UBN2: variants seen among roughly 807,000 people sequenced by gnomAD.
The protein encoded by UBN2 is ubinuclein 2.
UBN2 carries 35 observed loss-of-function variants against 120.2 expected under a neutral mutation model. The observed-to-expected ratio is 0.29, with a 90% CI of 0.22 to 0.39. UBN2 has a LOEUF of 0.39. UBN2 is among the 10% of genes least tolerant of loss of function. The pLI, the probability that UBN2 is intolerant of heterozygous loss-of-function variation, is 1.00. For synonymous variants in UBN2, 661 were observed against 648.7 expected, an observed-to-expected ratio of 1.02 and a Z score of -0.29; for missense variants, 1,693 against 1,663.2, an observed-to-expected ratio of 1.02 and a Z score of -0.31.
chr7:139,306,526 C>CAT lies in UBN2; in HGVS notation c.*8694_*8695dup, dbSNP rs916176778. On this transcript the variant is annotated 3_prime_UTR_variant, in exon 18 of 18. Coordinates refer to ENST00000473989, the MANE Select transcript of UBN2 (RefSeq NM_173569.4). ...TTGGCTATGCCTTTGTAATTAGTTA[C>CAT]ATATACCTTCTGAGACCTTCAGATA... 1 of 152,230 alleles carries CAT rather than the reference C, an allele frequency of 6.6e-6. No homozygotes were observed. The highest frequency in any genetic ancestry group is 6.5e-5 in the Admixed American group (1 of 15,286). The allele number at this position is 152,230 out of a possible 1,614,324, so 9.4% of individuals were successfully genotyped here. A position where few individuals can be genotyped will look rare whatever the true frequency, so the allele number is the denominator to read the frequency against.
chr7:139,274,146 TACAC>T, intron 11 of UBN2, 72 bp downstream of exon 11: 6 of 1,404,316 alleles, frequency 4.3e-6, no homozygotes, highest in South Asian at 1.5e-5. Context: ...TACATACACA[TACAC>T]ATATGTGACA....
At chr7:139,326,282 A>G in the UBN2 span, among the ~76,000 whole-genome samples, 1 of 151,948 alleles carries the variant, frequency 6.6e-6, no homozygotes, top group African/African-American at 2.4e-5. Flanking sequence ...CAAACAAACA[A>G]ACAAACAAAA....
At position 139,283,836 on chromosome 7, in the gene UBN2, A is replaced by G; in HGVS notation, c.2931A>G (p.Pro977=). ...CACTTATTAAGACTTCAGATAAGCC[A>G]CTTATGTACCGCCTTCCCTTATCTA... ...SSSLIKTSDK[P]LMYRLPLSTP... is the part of the protein sequence containing the mutation. Residue 977 remains proline, a synonymous_variant, in exon 15 of 18, where the codon CCA becomes CCG. Transcript: ENST00000473989. 2 of 1,614,068 alleles carry G rather than the reference A, an allele frequency of 1.2e-6. No individual in the cohort carries two copies. Among genetic ancestry groups the G allele is most frequent in the African/African-American group, 1.3e-5 (1 of 75,006 alleles).
intron 8 of UBN2, 51 bp downstream of exon 8, chr7:139,269,574 G>C (rs765308282): frequency 6.3e-7 from 1 of 1,593,068 alleles, no homozygotes; most frequent in East Asian, 2.2e-5. Flanking sequence ...AACCTGTAAA[G>C]ATACTTGTTT....
intron 15 of UBN2, among the ~76,000 whole-genome samples, chr7:139,289,886 C>T (rs948330242): frequency 1.3e-5 from 2 of 151,516 alleles, no homozygotes; most frequent in African/African-American, 4.8e-5. Context: ...GAAGAAGCAA[C>T]TCTGGTTAAA....
chr7:139,266,474 A>G, intron 7 of UBN2, 71 bp downstream of exon 7: 1 of 855,300 alleles, frequency 1.2e-6, no homozygotes, highest in Non-Finnish European at 1.8e-6. Flanking sequence ...CCTTTGAGAT[A>G]CTGAGTGGTT....
intron 2 of UBN2, among the ~76,000 whole-genome samples, chr7:139,239,453 G>A (rs895852048): frequency 1.3e-5 from 2 of 151,106 alleles, no homozygotes; most frequent in South Asian, 4.2e-4. Context: ...GAGATTCCTA[G>A]AATCAGACGA....
the UBN2 span, among the ~76,000 whole-genome samples, chr7:139,319,186 G>A: frequency 6.6e-6 from 1 of 152,128 alleles, no homozygotes; most frequent in African/African-American, 2.4e-5. Context: ...GGGTTCAAGC[G>A]ATTTTCCTGC....
chr7:139,272,722 T>C (rs1797320511), intron 9 of UBN2, among the ~76,000 whole-genome samples: 1 of 152,130 alleles, frequency 6.6e-6, no homozygotes, highest in Non-Finnish European at 1.5e-5. Flanking sequence ...AGACAGGGTT[T>C]CACCATGTTG....
At chr7:139,321,243 G>A in the UBN2 span, among the ~76,000 whole-genome samples, 5 of 152,232 alleles carry the variant, frequency 3.3e-5, no homozygotes, top group Admixed American at 6.5e-5. Context: ...TGGCATCCAC[G>A]TCCTGGCCGT....
intron 2 of UBN2, among the ~76,000 whole-genome samples, chr7:139,241,319 A>C (rs1229272427): frequency 6.6e-6 from 1 of 152,216 alleles, no homozygotes; most frequent in East Asian, 1.9e-4. Context: ...CACCTAACAC[A>C]ATACCTTGTG....
intron 10 of UBN2, 94 bp from the exon 11 acceptor site, chr7:139,273,837 G>C (rs538876164): frequency 1.8e-6 from 2 of 1,100,294 alleles, no homozygotes; most frequent in South Asian, 3.7e-5. Context: ...GAAATTGTTT[G>C]TTATTTTCTG....
In UBN2 at chr7:139,284,372, G is replaced by C; in HGVS notation, c.3467G>C (p.Gly1156Ala). ...PSKLTNSSST[G>A]TVGKNSLSGI... The stretch of plus-strand genomic sequence containing the variant: ...AAGCTAACAAACTCATCATCCACTG[G>C]AACTGTTGGGAAGAACAGCTTGAGT... The change falls in exon 15 of 18, where the codon GGA becomes GCA. Residue 1156 changes from glycine (G) to alanine (A), a missense_variant. This residue lies in a region of UBN2 where 837 missense variants were observed against 817.6 expected (regional missense o/e 1.02). Transcript: ENST00000473989. The C allele has an allele frequency of 6.2e-7, 1 of 1,614,138 alleles. No individual in the cohort carries two copies. The highest frequency in any genetic ancestry group is 8.5e-7 in the Non-Finnish European group (1 of 1,180,034).
intron 15 of UBN2, among the ~76,000 whole-genome samples, chr7:139,287,840 AC>A (rs150596731): frequency 0.028 from 4,257 of 152,200 alleles, 191 homozygotes; most frequent in African/African-American, 0.09. Context: ...TAGCTCTCCA[AC>A]ACTGAAAACA....
chr7:139,318,872 GGT>G, the UBN2 span, among the ~76,000 whole-genome samples: 1 of 152,038 alleles, frequency 6.6e-6, no homozygotes, highest in African/African-American at 2.4e-5. Context: ...AAGGGCTAGT[GGT>G]TAAGGACTCC....
rs551054835 is a variant in UBN2 at position 139,261,401 on chromosome 7, C to G, written c.1055C>G (p.Thr352Ser). Residue 352 changes from threonine (T) to serine (S), a missense_variant, in exon 6 of 18, where the codon ACC (threonine) becomes AGC (serine). Thr to Ser is a moderately conservative substitution (Grantham distance 58). Around this residue, in one of 5 missense-constraint regions of UBN2, gnomAD observed 663 missense variants for 591.2 expected, o/e 1.12. Transcript: ENST00000473989. ...CCCAAAGTCCCAGTGACCTTGTCAACCCCTTCTCTGAATAAACCCCCATGT... is the reference window on the plus strand; with the variant it reads ...CCCAAAGTCCCAGTGACCTTGTCAAGCCCTTCTCTGAATAAACCCCCATGT... ...SNPKVPVTLS[T>S]PSLNKPPCAA... The G allele has an allele frequency of 6.2e-7, 1 of 1,614,208 alleles. No individual in the cohort carries two copies. The highest frequency in any genetic ancestry group is 8.5e-7 in the Non-Finnish European group (1 of 1,180,038).
intron 6 of UBN2, among the ~76,000 whole-genome samples, chr7:139,264,829 C>T (rs1338147155): frequency 1.1e-4 from 16 of 152,108 alleles, no homozygotes; most frequent in Non-Finnish European, 1.6e-4. Flanking sequence ...CCTCATGATC[C>T]ACCCGCTTGG....
chr7:139,297,350 A>G (rs902529722), intron 17 of UBN2, among the ~76,000 whole-genome samples: 2 of 152,032 alleles, frequency 1.3e-5, no homozygotes, highest in African/African-American at 4.8e-5. Context: ...GAATTATGAA[A>G]TGCTGTGTCC....
At chr7:139,280,487 T>C (rs1797575006) in intron 13 of UBN2, among the ~76,000 whole-genome samples, 1 of 152,160 alleles carries the variant, frequency 6.6e-6, no homozygotes, top group Non-Finnish European at 1.5e-5. Flanking sequence ...CCATAGCCTT[T>C]GTCTCTTTGG....
Sources: allele counts gnomAD v4.1 joint callset (sites outside exome capture counted in the v4.1 genomes callset), GRCh38; gene constraint gnomAD v4.1.1; regional missense constraint gnomAD v4.1.1; transcripts MANE v1.5; gene names NCBI Gene and HGNC (gene_info 2026-07-23, HGNC 2026-07-21).